The following SOBP variants were observed in gnomAD, a reference collection of about 807,000 sequenced individuals.
SOBP encodes sine oculis binding protein homolog, also known as sine oculis-binding protein homolog.
Under a neutral mutation model 53.6 loss-of-function variants are expected in SOBP, and 4 were observed. The ratio of observed to expected loss-of-function variants is 0.07; its 90% CI spans 0.04 to 0.17. The LOEUF (loss-of-function observed/expected upper bound fraction) is 0.17, where lower values mean the gene tolerates loss of function less well. SOBP is among the 10% of genes least tolerant of loss of function. SOBP has a pLI of 1.00. For missense variants in SOBP, 1,088 were observed against 1,204.7 expected (o/e 0.90, Z 1.43); for synonymous variants, 584 against 522.6 (o/e 1.12, Z -1.60).
At chr6:107,562,474 G>C (rs1784799980) in intron 4 of SOBP, among the ~76,000 whole-genome samples, 1 of 152,218 alleles carries the variant, frequency 6.6e-6, no homozygotes, top group African/African-American at 2.4e-5. Flanking sequence ...CATATTTCAT[G>C]TTATGTTGAC....
chr6:107,588,030 A>G (rs1009435226), intron 5 of SOBP, among the ~76,000 whole-genome samples: 1 of 152,198 alleles, frequency 6.6e-6, no homozygotes, highest in Non-Finnish European at 1.5e-5. Context: ...TTTTCTTTTC[A>G]ATTGCATTAA....
chr6:107,506,309 C>G lies in SOBP; in HGVS notation c.303C>G (p.Gly101=). 6.2e-7 allele frequency: 1 copy of G among 1,614,150 alleles called. No individual in the cohort carries two copies. The highest frequency in any genetic ancestry group is 8.5e-7 in the Non-Finnish European group (1 of 1,180,016). ...TTTCACCATACAATATAAGCACAGG[C>G]TATTCAGGGCTTGCCACTGGAAATG... is the stretch of plus-strand genomic sequence containing the variant. ...SVISPYNIST[G]YSGLATGNGL... Residue 101 remains glycine, a synonymous_variant, in exon 3 of 7, where the codon GGC becomes GGG. Coordinates refer to ENST00000317357, the MANE Select transcript of SOBP (RefSeq NM_018013.4).
intron 5 of SOBP, among the ~76,000 whole-genome samples, chr6:107,599,429 C>T (rs908829630): frequency 3.3e-5 from 5 of 152,010 alleles, no homozygotes; most frequent in African/African-American, 9.7e-5. Flanking sequence ...ATACAGCTTT[C>T]GGTCATATGG....
chr6:107,634,495 C>T lies in SOBP; in HGVS notation c.1651C>T (p.Pro551Ser). ...TATCCCTCACGTCAGCGACTCCAAG[C>T]CCCCCAACGGGTTCTCCAGCAACGG... The part of the protein sequence containing the change: ...IPIPHVSDSK[P>S]PNGFSSNGEN... The change falls in exon 6 of 7, where the codon CCC becomes TCC. Residue 551 changes from proline to serine, a missense_variant. Around this residue, in one of 6 missense-constraint regions of SOBP, gnomAD observed 665 missense variants for 629.7 expected, o/e 1.06. Coordinates refer to ENST00000317357, the MANE Select transcript of SOBP (RefSeq NM_018013.4). This position sits in a 1 kb window ranked among gnomAD's most constrained non-coding sequence, Gnocchi z 4.5. 6.2e-7 allele frequency: 1 copy of T among 1,611,676 alleles called. No homozygotes were observed. The highest frequency in any genetic ancestry group is 8.5e-7 in the Non-Finnish European group (1 of 1,179,902).
chr6:107,655,333 G>T (rs1527875), intron 6 of SOBP, among the ~76,000 whole-genome samples: 2 of 151,846 alleles, frequency 1.3e-5, no homozygotes, highest in Non-Finnish European at 2.9e-5. Context: ...GTCTTTTCCT[G>T]TGTCACCAAC....
chr6:107,533,647 C>T, intron 4 of SOBP, 37 bp downstream of exon 4: 10 of 1,613,518 alleles, frequency 6.2e-6, no homozygotes, highest in Non-Finnish European at 7.6e-6. Context: ...CCCCCACAGG[C>T]CTCACCAGCC....
At chr6:107,523,954 G>A (rs568273832) in intron 3 of SOBP, among the ~76,000 whole-genome samples, 12 of 152,216 alleles carry the variant, frequency 7.9e-5, no homozygotes, top group Non-Finnish European at 1.6e-4. Context: ...TGCCTGGCAC[G>A]AAGTTGAGTA....
At chr6:107,542,971 C>T (rs1784194011) in intron 4 of SOBP, among the ~76,000 whole-genome samples, 1 of 151,762 alleles carries the variant, frequency 6.6e-6, no homozygotes, top group Non-Finnish European at 1.5e-5. Flanking sequence ...CCTTCTCAAG[C>T]TCTAGCCTTA....
intron 5 of SOBP, among the ~76,000 whole-genome samples, chr6:107,595,179 G>A (rs761336777): frequency 6.6e-6 from 1 of 152,082 alleles, no homozygotes; most frequent in Non-Finnish European, 1.5e-5. Context: ...CAATGTTTGC[G>A]GATTCCCAGT....
intron 5 of SOBP, among the ~76,000 whole-genome samples, chr6:107,629,694 G>A (rs1455194710): frequency 6.6e-6 from 1 of 152,212 alleles, no homozygotes; most frequent in Non-Finnish European, 1.5e-5. Context: ...GAGCAGTTGA[G>A]CGGTGTAGGT....
At chr6:107,539,829 G>A (rs12207606) in intron 4 of SOBP, among the ~76,000 whole-genome samples, 2,969 of 152,012 alleles carry the variant, frequency 0.02, 51 homozygotes, top group East Asian at 0.055. Context: ...AAGAATGAGC[G>A]TTTAAAGAAT....
At chr6:107,578,498 T>G (rs2068473791) in intron 4 of SOBP, among the ~76,000 whole-genome samples, 1 of 152,190 alleles carries the variant, frequency 6.6e-6, no homozygotes, top group Non-Finnish European at 1.5e-5. Context: ...GAATCCTGGT[T>G]CTACCACTTG....
At chr6:107,611,203 C>G (rs1285878950) in intron 5 of SOBP, among the ~76,000 whole-genome samples, 1 of 152,234 alleles carries the variant, frequency 6.6e-6, no homozygotes, top group Non-Finnish European at 1.5e-5. Context: ...TGAGAACCGA[C>G]ATGAGGTCTT....
chr6:107,559,565 A>G (rs1784716804), intron 4 of SOBP, among the ~76,000 whole-genome samples: 2 of 152,242 alleles, frequency 1.3e-5, no homozygotes, highest in African/African-American at 4.8e-5. Context: ...AAATGGATCC[A>G]CAGTCAGAGG....
At chr6:107,546,999 G>A (rs1784319290) in intron 4 of SOBP, among the ~76,000 whole-genome samples, 1 of 152,170 alleles carries the variant, frequency 6.6e-6, no homozygotes, top group African/African-American at 2.4e-5. Flanking sequence ...CATCCCAGGG[G>A]TTTATATTAG....
intron 1 of SOBP, among the ~76,000 whole-genome samples, chr6:107,499,973 T>C (rs1468103313): frequency 6.6e-6 from 1 of 152,206 alleles, no homozygotes; most frequent in Non-Finnish European, 1.5e-5. Context: ...ACTTTTTAAA[T>C]AGGAAATTCC....
chr6:107,531,059 C>T (rs1355767364), intron 3 of SOBP, among the ~76,000 whole-genome samples: 4 of 152,250 alleles, frequency 2.6e-5, no homozygotes, highest in Non-Finnish European at 5.9e-5. Context: ...GTCCAAGCTG[C>T]AAGCTAAGCG....
chr6:107,520,864 G>A (rs184936531), intron 3 of SOBP, among the ~76,000 whole-genome samples: 3 of 152,310 alleles, frequency 2.0e-5, no homozygotes, highest in Admixed American at 1.3e-4. Flanking sequence ...CTCAAAGGCA[G>A]TGCCCTTGGC....
intron 3 of SOBP, among the ~76,000 whole-genome samples, chr6:107,520,530 T>A (rs1783452777): frequency 6.6e-6 from 1 of 152,174 alleles, no homozygotes; most frequent in Non-Finnish European, 1.5e-5. Context: ...GCCCAGAACT[T>A]CTCTTGACAT....
Sources: gnomAD v4.1 joint callset for allele counts (sites outside exome capture counted in the v4.1 genomes callset) on GRCh38, gnomAD v4.1.1 for gene constraint, gnomAD v4.1.1 regional missense constraint, Gnocchi (gnomAD v3.1) non-coding constraint, MANE v1.5 for transcripts, NCBI Gene and HGNC (gene_info 2026-07-23, HGNC 2026-07-21) for gene names.